Variants in ATP2C1 observed in about 807,000 individuals in gnomAD.
ATP2C1 encodes the protein calcium-transporting ATPase type 2C member 1.
Under a neutral mutation model 120.5 loss-of-function variants are expected in ATP2C1, and 31 were observed. That is an observed-to-expected ratio of 0.26 (90% confidence interval 0.19 to 0.35). ATP2C1 has a LOEUF of 0.35. Among genes scored for constraint, ATP2C1 ranks in the 10% least tolerant of loss-of-function variants. The pLI, the probability that ATP2C1 is intolerant of heterozygous loss-of-function variation, is 1.00. For synonymous variants in ATP2C1, 351 were observed against 358.7 expected, an observed-to-expected ratio of 0.98 and a Z score of 0.24; for missense variants, 731 against 1,107.5, an observed-to-expected ratio of 0.66 and a Z score of 4.83.
At position 130,858,151 on chromosome 3, in the gene ATP2C1, C is replaced by T. The variant is rs569740208; in HGVS notation, c.108+7223C>T. Among the ~76,000 whole-genome samples the T allele has an allele frequency of 1.8e-4, 27 of 152,226 alleles. No homozygotes were observed. The East Asian group carries it at 2.1e-3, about 12-fold the overall frequency. On this transcript the variant is annotated intron_variant, in intron 1 of 26. Coordinates refer to the ATP2C1 transcript ENST00000504381. ...GCTGTGCTGGCAGCTGATTAGATGG[C>T]GCCCACCCAGATTGAGGGTGGGTCT...
At chr3:130,984,043 A>G (rs2061889533) in intron 20 of ATP2C1, among the ~76,000 whole-genome samples, 1 of 152,224 alleles carries the variant, frequency 6.6e-6, no homozygotes, top group East Asian at 1.9e-4. Flanking sequence ...TTGCTGAATC[A>G]GATCATATGG....
intron 16 of ATP2C1, 91 bp downstream of exon 16, chr3:130,967,510 G>T: frequency 2.8e-6 from 3 of 1,084,590 alleles, no homozygotes; most frequent in Non-Finnish European, 4.2e-6. Context: ...CTGGTTTTTA[G>T]GTATTGAGTG....
At chr3:130,867,318 C>CTCTCCCTCTCCT (rs1299092932) in intron 1 of ATP2C1, among the ~76,000 whole-genome samples, 3 of 150,454 alleles carry the variant, frequency 2.0e-5, no homozygotes, top group African/African-American at 7.3e-5. Flanking sequence ...CTCCCTCTCC[C>CTCTCCCTCTCCT]TCTCCCTCTC....
intron 2 of ATP2C1, among the ~76,000 whole-genome samples, chr3:130,902,313 T>TTTTTTTTTTC (rs2057896132): frequency 1.4e-5 from 1 of 70,630 alleles, no homozygotes; most frequent in African/African-American, 4.2e-5. Context: ...TTTTTTTTTT[T>TTTTTTTTTTC]TTTTTTTTTC....
intron 2 of ATP2C1, among the ~76,000 whole-genome samples, chr3:130,899,872 G>T (rs1298731631): frequency 3.3e-5 from 5 of 151,970 alleles, no homozygotes; most frequent in Non-Finnish European, 7.4e-5. Flanking sequence ...TCTGCTATAG[G>T]TATTAGAGAA....
At chr3:130,943,752 C>A (rs2060022545) in intron 8 of ATP2C1, among the ~76,000 whole-genome samples, 1 of 152,036 alleles carries the variant, frequency 6.6e-6, no homozygotes, top group African/African-American at 2.4e-5. Flanking sequence ...TACTTGCTAC[C>A]CCAAACAGAC....
chr3:130,923,409 G>A (rs562111795), intron 2 of ATP2C1, among the ~76,000 whole-genome samples: 75 of 151,846 alleles, frequency 4.9e-4, no homozygotes, highest in Non-Finnish European at 8.8e-4. Flanking sequence ...TGTATTTTTA[G>A]TAGAAACGAG....
chr3:130,862,257 A>T (rs1465534456), intron 1 of ATP2C1, among the ~76,000 whole-genome samples: 4 of 151,272 alleles, frequency 2.6e-5, no homozygotes, highest in Non-Finnish European at 4.4e-5. Flanking sequence ...TGCTGGGATT[A>T]TAGGCATGAG....
At chr3:130,938,085 A>G (rs2059745832) in intron 6 of ATP2C1, among the ~76,000 whole-genome samples, 1 of 152,220 alleles carries the variant, frequency 6.6e-6, no homozygotes, top group African/African-American at 2.4e-5. Flanking sequence ...TTCCTCCACA[A>G]AAGGGGTGTT....
rs117986062 is a variant in ATP2C1 at position 130,885,908 on chromosome 3, T to C, written c.108+34980T>C. ...TACACGTGAAGGTTTGTTACATAGA[T>C]AAACACGTCATGAGGGTTTGTTGTA... is the stretch of plus-strand genomic sequence containing the variant. On this transcript the variant is annotated intron_variant, in intron 1 of 26. Transcript: ENST00000504381. Among the ~76,000 whole-genome samples the C allele has an allele frequency of 1.0e-2, 1,516 of 152,324 alleles. 22 individuals are homozygous for C. Among genetic ancestry groups the C allele is most frequent in the East Asian group, 0.062 (323 of 5,190 alleles).
chr3:130,937,939 C>T (rs555320555), intron 6 of ATP2C1, among the ~76,000 whole-genome samples: 159 of 152,226 alleles, frequency 1.0e-3, no homozygotes, highest in Non-Finnish European at 2.0e-3. Flanking sequence ...TGACTGATTC[C>T]CTTAGCCAAA....
intron 22 of ATP2C1, among the ~76,000 whole-genome samples, chr3:130,995,319 C>CT (rs1229170967): frequency 6.6e-6 from 1 of 151,264 alleles, no homozygotes; most frequent in African/African-American, 2.4e-5. Context: ...AGAGGCTGAG[C>CT]TGGAGGATTG....
At chr3:130,919,374 A>G (rs913641881) in intron 2 of ATP2C1, among the ~76,000 whole-genome samples, 1 of 151,716 alleles carries the variant, frequency 6.6e-6, no homozygotes, top group Non-Finnish European at 1.5e-5. Flanking sequence ...ATAGACGCCC[A>G]CTACCACACC....
intron 2 of ATP2C1, among the ~76,000 whole-genome samples, chr3:130,904,607 A>G (rs952094288): frequency 4.6e-5 from 7 of 151,988 alleles, no homozygotes; most frequent in African/African-American, 1.7e-4. Context: ...ATTCCTTTGT[A>G]ATTAATACCT....
chr3:130,866,426 C>T (rs937135849), intron 1 of ATP2C1, among the ~76,000 whole-genome samples: 1 of 152,114 alleles, frequency 6.6e-6, no homozygotes, highest in Non-Finnish European at 1.5e-5. Context: ...GCATTTTATC[C>T]TTACTTTGTG....
intron 1 of ATP2C1, among the ~76,000 whole-genome samples, chr3:130,863,938 T>C (rs920086761): frequency 1.8e-4 from 28 of 152,296 alleles, no homozygotes; most frequent in African/African-American, 6.7e-4. Flanking sequence ...GAAAACAGAC[T>C]AATATAGTAA....
At chr3:131,010,145 A>G (rs1240079249) in intron 26 of ATP2C1, among the ~76,000 whole-genome samples, 2 of 151,194 alleles carry the variant, frequency 1.3e-5, no homozygotes, top group Non-Finnish European at 2.9e-5. Flanking sequence ...GGAAGAGGAA[A>G]TTCCTAGGAA....
chr3:130,963,858 G>A (rs957676859), intron 12 of ATP2C1, 113 bp from the exon 13 acceptor site: 7 of 1,270,454 alleles, frequency 5.5e-6, no homozygotes, highest in Admixed American at 1.7e-5. Flanking sequence ...TATTTTTTAG[G>A]TATTGACTAT....
rs578027991 is a variant in ATP2C1 at position 130,894,329 on chromosome 3, G to C, written c.-189G>C. The C allele has an allele frequency of 4.6e-5, 46 of 995,594 alleles. No homozygotes were observed. Among genetic ancestry groups the C allele is most frequent in the South Asian group, 4.3e-4 (10 of 23,210 alleles). 61.7% of individuals were successfully genotyped at this position (995,594 alleles called of 1,614,324 possible). ...CCGCAGCCTGGAGGAGGGCTGTCCGGGGCTTTGGGTGGGTACCAGTATTAC... is the reference window on the plus strand; with the variant it reads ...CCGCAGCCTGGAGGAGGGCTGTCCGCGGCTTTGGGTGGGTACCAGTATTAC... On this transcript the variant is annotated 5_prime_UTR_variant, in exon 1 of 28. Transcript: ENST00000510168. The surrounding 1 kb of genome is among the most constrained non-coding windows in gnomAD (Gnocchi z 4.5).
Sources: allele counts gnomAD v4.1 joint callset (sites outside exome capture counted in the v4.1 genomes callset), GRCh38; gene constraint gnomAD v4.1.1; non-coding constraint Gnocchi (gnomAD v3.1); transcripts MANE v1.5; gene names NCBI Gene and HGNC (gene_info 2026-07-23, HGNC 2026-07-21).